The following RGS5 variants were observed in gnomAD, a reference collection of about 807,000 sequenced individuals.
RGS5 encodes regulator of G protein signaling 5.
In RGS5, 20 loss-of-function variants were observed where a neutral mutation model predicts 18.9. The observed-to-expected ratio is 1.06, with a 90% CI of 0.74 to 1.54. RGS5 has a LOEUF of 1.54. Ranked by LOEUF, RGS5 falls within the 40% of genes most tolerant of loss-of-function variation. RGS5 has a pLI of 0.00. For synonymous variants in RGS5, 57 were observed against 76.2 expected (o/e 0.75, Z 1.31); for missense variants, 201 against 211.8 (o/e 0.95, Z 0.32).
At chr1:163,224,732 TCTAA>T (rs1172942489) in intron 2 of RGS5, among the ~76,000 whole-genome samples, 1 of 152,258 alleles carries the variant, frequency 6.6e-6, no homozygotes, top group African/African-American at 2.4e-5. Flanking sequence ...CAACAGCCAT[TCTAA>T]CTGAAGTGAG....
At chr1:163,202,484 T>C (rs887475699) in intron 1 of RGS5, among the ~76,000 whole-genome samples, 2 of 152,222 alleles carry the variant, frequency 1.3e-5, no homozygotes, top group East Asian at 3.8e-4. Context: ...TGTTGGAATC[T>C]ATATCCTTAA....
chr1:163,213,974 A>G (rs1660164652), intron 1 of RGS5, among the ~76,000 whole-genome samples: 3 of 152,180 alleles, frequency 2.0e-5, no homozygotes, highest in Non-Finnish European at 4.4e-5. Context: ...TAACTGATCA[A>G]GTAACCCCAT....
chr1:163,191,093 G>A (rs1659332398), intron 1 of RGS5, among the ~76,000 whole-genome samples: 1 of 152,064 alleles, frequency 6.6e-6, no homozygotes, highest in African/African-American at 2.4e-5. Context: ...GACTAAATCT[G>A]GACATACTCT....
rs192497568 is a variant in RGS5 at position 163,212,042 on chromosome 1, C to T, written c.69+5484G>A. On this transcript the variant is annotated intron_variant, in intron 1 of 5. Transcript: ENST00000367903. Reference sequence around the variant, plus strand: ...GAGCCAAAATGTCTTCGACTTAATTCCTTTTCCACAAAATAAGAAACATCT... The same window carrying T: ...GAGCCAAAATGTCTTCGACTTAATTTCTTTTCCACAAAATAAGAAACATCT... The T allele has an allele frequency of 3.3e-5, 5 of 152,280 alleles. No homozygotes were observed. In the East Asian group the frequency reaches 9.7e-4, roughly 29 times the overall value. The allele number at this position is 152,280 out of a possible 1,614,324, so 9.4% of individuals were successfully genotyped here. A position where few individuals can be genotyped will look rare whatever the true frequency, so the allele number is the denominator to read the frequency against.
At chr1:163,308,007 C>A (rs1394040725) in intron 1 of RGS5, among the ~76,000 whole-genome samples, 1 of 152,202 alleles carries the variant, frequency 6.6e-6, no homozygotes, top group East Asian at 1.9e-4. Flanking sequence ...GAACAATCTG[C>A]ATCCTAATCA....
intron 2 of RGS5, among the ~76,000 whole-genome samples, chr1:163,291,588 T>C (rs1271128842): frequency 3.3e-5 from 5 of 152,178 alleles, no homozygotes; most frequent in Admixed American, 2.6e-4. Flanking sequence ...GAATCTAAGA[T>C]TGGCCTTTTG....
At chr1:163,157,614 C>A (rs1453657582) in intron 3 of RGS5, among the ~76,000 whole-genome samples, 1 of 152,098 alleles carries the variant, frequency 6.6e-6, no homozygotes, top group Non-Finnish European at 1.5e-5. Flanking sequence ...AGTCAATATC[C>A]TACATTAACA....
intron 3 of RGS5, among the ~76,000 whole-genome samples, chr1:163,154,283 A>T (rs1488048229): frequency 6.6e-6 from 1 of 152,192 alleles, no homozygotes; most frequent in Non-Finnish European, 1.5e-5. Flanking sequence ...GACGCTATAT[A>T]TAGTTATCCA....
intron 2 of RGS5, among the ~76,000 whole-genome samples, chr1:163,276,073 C>T (rs1648845147): frequency 6.6e-6 from 1 of 152,110 alleles, no homozygotes; most frequent in South Asian, 2.1e-4. Flanking sequence ...TGGCTCACTG[C>T]AACCTTCACC....
At chr1:163,159,118 C>T (rs956658584) in intron 3 of RGS5, among the ~76,000 whole-genome samples, 1 of 152,210 alleles carries the variant, frequency 6.6e-6, no homozygotes, top group Non-Finnish European at 1.5e-5. Context: ...GTTCCCTGAA[C>T]ATTGCTGTTA....
intron 2 of RGS5, among the ~76,000 whole-genome samples, chr1:163,282,610 CGAGGTGG>C (rs1477006527): frequency 6.6e-6 from 1 of 151,902 alleles, no homozygotes; most frequent in Non-Finnish European, 1.5e-5. Context: ...CTTAGGAGTC[CGAGGTGG>C]GAAAATCACT....
intron 2 of RGS5, among the ~76,000 whole-genome samples, chr1:163,162,490 T>C (rs1292836830): frequency 1.3e-5 from 2 of 152,150 alleles, no homozygotes; most frequent in Non-Finnish European, 2.9e-5. Context: ...GCTTTCCTTA[T>C]GTTGGGATTG....
intron 1 of RGS5, among the ~76,000 whole-genome samples, chr1:163,194,578 GCCTGTATTC>G (rs1659486155): frequency 6.6e-6 from 1 of 152,022 alleles, no homozygotes; most frequent in South Asian, 2.1e-4. Flanking sequence ...CAGCTCAGGT[GCCTGTATTC>G]CCTATCTAGT....
chr1:163,213,557 G>A (rs1364652018), intron 1 of RGS5, among the ~76,000 whole-genome samples: 1 of 152,190 alleles, frequency 6.6e-6, no homozygotes, highest in Non-Finnish European at 1.5e-5. Context: ...AGGATAAAAG[G>A]AGGCTATTGG....
upstream of RGS5, among the ~76,000 whole-genome samples, chr1:163,207,189 G>C (rs976841804): frequency 1.4e-4 from 21 of 152,298 alleles, no homozygotes; most frequent in African/African-American, 5.1e-4. Flanking sequence ...CATAGGAAGT[G>C]TAAAGTCTAT....
intron 2 of RGS5, among the ~76,000 whole-genome samples, chr1:163,277,854 A>C (rs1394538993): frequency 6.6e-6 from 1 of 152,198 alleles, no homozygotes; most frequent in Non-Finnish European, 1.5e-5. Flanking sequence ...GAAATCCTGG[A>C]ACTGAATAAT....
At position 163,143,296 on chromosome 1, in the gene RGS5, C is replaced by A. The variant is rs756029572; in HGVS notation, c.*4046G>T. ...TTAATAGCAGTTGAGCCAGCATAAA[C>A]CAAGATGCACCAAACTTCATGTCCA... On this transcript the variant is annotated 3_prime_UTR_variant, in exon 5 of 5. Transcript: ENST00000313961. 6.6e-6 allele frequency: 1 copy of A among 152,176 alleles called. No individual in the cohort carries two copies. Among genetic ancestry groups the A allele is most frequent in the East Asian group, 1.9e-4 (1 of 5,190 alleles). 9.4% of individuals were successfully genotyped at this position (152,176 alleles called of 1,614,324 possible). A position where few individuals can be genotyped will look rare whatever the true frequency, so the allele number is the denominator to read the frequency against.
At chr1:163,229,671 G>T (rs1241007663) in intron 2 of RGS5, among the ~76,000 whole-genome samples, 3 of 152,184 alleles carry the variant, frequency 2.0e-5, no homozygotes, top group Non-Finnish European at 4.4e-5. Flanking sequence ...TCCCTGGAAT[G>T]CTCTCCTCAG....
At chr1:163,317,430 C>T (rs1349479580) in intron 1 of RGS5, among the ~76,000 whole-genome samples, 1 of 152,174 alleles carries the variant, frequency 6.6e-6, no homozygotes, top group Non-Finnish European at 1.5e-5. Flanking sequence ...CTTCTACTTC[C>T]TAAAATTCTT....
Sources: gnomAD v4.1 joint callset for allele counts (sites outside exome capture counted in the v4.1 genomes callset) on GRCh38, gnomAD v4.1.1 for gene constraint, MANE v1.5 for transcripts, NCBI Gene and HGNC (gene_info 2026-07-23, HGNC 2026-07-21) for gene names.